Variants in CHMP5 observed in about 807,000 individuals in gnomAD.
CHMP5 encodes SNF7 domain containing 2.
CHMP5 carries 17 observed loss-of-function variants against 33.0 expected under a neutral mutation model. The ratio of observed to expected loss-of-function variants is 0.52; its 90% CI spans 0.35 to 0.77. The LOEUF is 0.77. CHMP5 is among the 30% of genes least tolerant of loss of function. The probability of loss-of-function intolerance (pLI) is 0.01; values close to 1 mark genes in which losing one functional copy is unlikely to be tolerated. For missense variants in CHMP5, 216 were observed against 261.5 expected, an observed-to-expected ratio of 0.83 and a Z score of 1.20; for synonymous variants, 76 against 90.2, an observed-to-expected ratio of 0.84 and a Z score of 0.89.
At chr9:33,265,983 C>A in intron 1 of CHMP5, 27 bp from the exon 2 acceptor site, 1 of 1,431,690 alleles carries the variant, frequency 7.0e-7, no homozygotes, top group Non-Finnish European at 9.9e-7. Context: ...GCAGTAACTA[C>A]CAGTGCATTT....
intron 7 of CHMP5, 100 bp from the exon 8 acceptor site, chr9:33,280,708 TA>T (rs1820911638): frequency 8.9e-7 from 1 of 1,125,660 alleles, no homozygotes; most frequent in Non-Finnish European, 1.3e-6. Context: ...TTTGATTGAT[TA>T]AATACTTGGA....
In CHMP5 at chr9:33,281,625, A is replaced by G. The variant is rs559794189; in HGVS notation, c.*766A>G. ...CTCCACTACAGAAACCAAATTAACC[A>G]GTAGCATTGTGAGGAAAGAGCAAGG... is the stretch of plus-strand genomic sequence containing the variant. On this transcript the variant is annotated 3_prime_UTR_variant, in exon 8 of 8. Transcript: ENST00000223500. 1.8e-4 allele frequency: 28 copies of G among 152,426 alleles called. No homozygotes were observed. Among genetic ancestry groups the G allele is most frequent in the African/African-American group, 6.5e-4 (27 of 41,582 alleles). The allele number at this position is 152,426 out of a possible 1,614,324, so 9.4% of individuals were successfully genotyped here.
In CHMP5 at chr9:33,266,119, G is replaced by T. The variant is rs370192690; in HGVS notation, c.174+5G>T. 175 of 1,595,994 alleles carry T rather than the reference G, an allele frequency of 1.1e-4. No homozygotes were observed. Among genetic ancestry groups the T allele is most frequent in the Non-Finnish European group, 1.4e-4 (159 of 1,164,314 alleles). On this transcript the variant is annotated splice_donor_5th_base_variant and intron_variant, in intron 2 of 7. Coordinates refer to ENST00000223500, the MANE Select transcript of CHMP5 (RefSeq NM_016410.6). ...ATGAGAGAGGGTCCTGCAAAGGTAA[G>T]GTGGGCAGCAACTGCTGCACAAGGT...
chr9:33,269,370 T>G (rs559799807), intron 3 of CHMP5, among the ~76,000 whole-genome samples: 2 of 152,190 alleles, frequency 1.3e-5, no homozygotes, highest in East Asian at 3.9e-4. Context: ...TGGGCGTGTT[T>G]GCATGCGCTT....
intron 5 of CHMP5, among the ~76,000 whole-genome samples, chr9:33,274,050 CT>C (rs1820825242): frequency 6.6e-6 from 1 of 151,882 alleles, no homozygotes. Flanking sequence ...TTTTACTACC[CT>C]TTTCACCTTT....
chr9:33,271,175 A>C lies in CHMP5; in HGVS notation c.339A>C (p.Val113=). ...AGGTTGATGCTATGAAACTGGGAGT[A>C]AAGGAAATGAAGAAGGCATACAAGC... ...KTTVDAMKLG[V]KEMKKAYKQV... is the part of the protein sequence containing the mutation. Residue 113 remains valine, a synonymous_variant, in exon 5 of 8, where the codon GTA becomes GTC. Transcript: ENST00000223500. 2 of 1,613,832 alleles carry C rather than the reference A, an allele frequency of 1.2e-6. No homozygotes were observed. Among genetic ancestry groups the C allele is most frequent in the Non-Finnish European group, 1.7e-6 (2 of 1,179,696 alleles).
At chr9:33,270,775 AT>A in intron 4 of CHMP5, 59 bp downstream of exon 4, 1 of 1,408,320 alleles carries the variant, frequency 7.1e-7, no homozygotes, top group African/African-American at 1.4e-5. Context: ...CTCTTTTCCG[AT>A]GGCTTTTTAA....
intron 6 of CHMP5, 96 bp from the exon 7 acceptor site, chr9:33,278,017 C>A: frequency 1.3e-6 from 1 of 748,194 alleles, no homozygotes; most frequent in Non-Finnish European, 2.3e-6. Context: ...GCCCTCTTCA[C>A]TGCCTTCTTT....
At position 33,271,190 on chromosome 9, in the gene CHMP5, G is replaced by A. The variant is rs1820789756; in HGVS notation, c.354G>A (p.Lys118=). The change falls in exon 5 of 8, where the codon AAG becomes AAA. Residue 118 remains lysine (K), a synonymous_variant. Coordinates refer to ENST00000223500, the MANE Select transcript of CHMP5 (RefSeq NM_016410.6). ...AACTGGGAGTAAAGGAAATGAAGAAGGCATACAAGCAAGTGAAGATCGACC... is the reference window on the plus strand; with the variant it reads ...AACTGGGAGTAAAGGAAATGAAGAAAGCATACAAGCAAGTGAAGATCGACC... ...AMKLGVKEMK[K]AYKQVKIDQI... is the part of the protein sequence containing the mutation. 6.2e-7 allele frequency: 1 copy of A among 1,614,008 alleles called. No individual in the cohort carries two copies. Among genetic ancestry groups the A allele is most frequent in the Admixed American group, 1.7e-5 (1 of 60,014 alleles).
intron 7 of CHMP5, 65 bp downstream of exon 7, chr9:33,278,290 CTG>C: frequency 3.1e-6 from 3 of 963,042 alleles, no homozygotes; most frequent in Non-Finnish European, 4.9e-6. Flanking sequence ...GACCATAAGT[CTG>C]GGAATCTAAA....
chr9:33,276,568 A>C lies in CHMP5; in HGVS notation c.496+4A>C. The C allele has an allele frequency of 6.5e-7, 1 of 1,534,016 alleles. No individual in the cohort carries two copies. On this transcript the variant is annotated splice_donor_region_variant and intron_variant, in intron 6 of 7. Transcript: ENST00000223500. ...GATGAAGATGATTTAGAAGCAGGTAAGTTATGAGAAAAGTAATGTATATTT... is the reference window on the plus strand; with the variant it reads ...GATGAAGATGATTTAGAAGCAGGTACGTTATGAGAAAAGTAATGTATATTT...
chr9:33,271,028 G>A (rs1174921486), intron 4 of CHMP5, 124 bp from the exon 5 acceptor site: 2 of 738,002 alleles, frequency 2.7e-6, no homozygotes, highest in Non-Finnish European at 4.5e-6. Context: ...GTTGCAGTGA[G>A]CCATTGCACT....
At chr9:33,273,386 G>A (rs951812799) in intron 5 of CHMP5, among the ~76,000 whole-genome samples, 4 of 152,098 alleles carry the variant, frequency 2.6e-5, no homozygotes, top group Admixed American at 1.3e-4. Context: ...GAACAAAAGA[G>A]AAACTTTGGT....
Position 33,267,903 on chromosome 9 carries a change from A to G in CHMP5, c.221+4A>G. The stretch of plus-strand genomic sequence containing the variant: ...GAGTTTTAAAGCAAAAGAGGATGTA[A>G]GTTACACACACAATTTCTACCTCTA... On this transcript the variant is annotated splice_donor_region_variant and intron_variant, in intron 3 of 7. Transcript: ENST00000223500. 6.2e-7 allele frequency: 1 copy of G among 1,601,170 alleles called. No homozygotes were observed. Among genetic ancestry groups the G allele is most frequent in the Non-Finnish European group, 8.6e-7 (1 of 1,168,388 alleles).
At chr9:33,279,705 T>C (rs1820898966) in intron 7 of CHMP5, among the ~76,000 whole-genome samples, 1 of 151,460 alleles carries the variant, frequency 6.6e-6, no homozygotes, top group African/African-American at 2.4e-5. Context: ...CTACTAAAAA[T>C]ATAAAAAATT....
Position 33,265,127 on chromosome 9 carries a change from C to G in CHMP5, c.49C>G (p.Leu17Val), listed in dbSNP as rs754318300. The G allele has an allele frequency of 1.2e-6, 2 of 1,614,204 alleles. No homozygotes were observed. The highest frequency in any genetic ancestry group is 2.2e-5 in the South Asian group (2 of 91,080). ...GAAACCCAAGGCTCCGCCGCCCAGC[C>G]TGACTGACTGCATTGGCACGGTGGG... Reference protein sequence around the residue: ...KAKPKAPPPSLTDCIGTVDSR... With the variant: ...KAKPKAPPPSVTDCIGTVDSR... The change falls in exon 1 of 8, where the codon CTG becomes GTG. Residue 17 changes from leucine (L) to valine (V), a missense_variant. Leu to Val is a conservative substitution (Grantham distance 32, BLOSUM62 1). Transcript: ENST00000223500.
chr9:33,267,140 T>C (rs1820736687), intron 2 of CHMP5, among the ~76,000 whole-genome samples: 1 of 152,234 alleles, frequency 6.6e-6, no homozygotes, highest in Non-Finnish European at 1.5e-5. Context: ...TGATCATCTG[T>C]GAAGTAATAA....
At chr9:33,270,798 C>G in intron 4 of CHMP5, 82 bp downstream of exon 4, 2 of 1,212,204 alleles carry the variant, frequency 1.6e-6, no homozygotes, top group Non-Finnish European at 2.4e-6. Flanking sequence ...GACAGTTTAA[C>G]CAGCCAGGCA....
chr9:33,272,562 T>C (rs143437525), intron 5 of CHMP5, among the ~76,000 whole-genome samples: 9,102 of 152,142 alleles, frequency 0.06, 859 homozygotes, highest in African/African-American at 0.2. Flanking sequence ...CCCAGCACTT[T>C]GGGAGGCCGA....
Sources: allele counts gnomAD v4.1 joint callset (sites outside exome capture counted in the v4.1 genomes callset), GRCh38; gene constraint gnomAD v4.1.1; transcripts MANE v1.5; gene names NCBI Gene and HGNC (gene_info 2026-07-23, HGNC 2026-07-21).